The following TOGARAM2 variants were observed in gnomAD, a reference collection of about 807,000 sequenced individuals.
TOGARAM2 encodes TOG array regulator of axonemal microtubules 2.
Under a neutral mutation model 93.3 loss-of-function variants are expected in TOGARAM2, and 85 were observed. The observed-to-expected ratio is 0.91, with a 90% confidence interval of 0.76 to 1.09. The LOEUF is 1.09. Among genes scored for constraint, TOGARAM2 ranks in the 50% least tolerant of loss-of-function variants. The probability of loss-of-function intolerance (pLI) is 0.00; values close to 1 mark genes in which losing one functional copy is unlikely to be tolerated. For synonymous variants in TOGARAM2, 593 were observed against 552.8 expected (o/e 1.07, Z -1.02); for missense variants, 1,277 against 1,334.5 (o/e 0.96, Z 0.67).
chr2:28,966,973 T>C (rs540847822), intron 1 of TOGARAM2, among the ~76,000 whole-genome samples: 13 of 152,336 alleles, frequency 8.5e-5, no homozygotes, highest in African/African-American at 2.9e-4. Flanking sequence ...GCCATATAGG[T>C]TTTATTTTTT....
intron 1 of TOGARAM2, among the ~76,000 whole-genome samples, chr2:28,983,200 T>TATATATATATA (rs1558400424): frequency 9.4e-4 from 20 of 21,254 alleles, no homozygotes; most frequent in African/African-American, 2.9e-3. Context: ...ATATATATAT[T>TATATATATATA]TTTTTTTTTT....
intron 1 of TOGARAM2, among the ~76,000 whole-genome samples, chr2:28,993,777 TCTGGGGC>T (rs2148266527): frequency 6.6e-6 from 1 of 152,280 alleles, no homozygotes; most frequent in African/African-American, 2.4e-5. Flanking sequence ...TACTCTGCCT[TCTGGGGC>T]CTGGGTGGGG....
intron 1 of TOGARAM2, chr2:28,970,923 G>A (rs1387635182): frequency 2.0e-5 from 3 of 152,236 alleles, no homozygotes; most frequent in Non-Finnish European, 4.4e-5. Context: ...AGTGCCCAGA[G>A]ACCTCTGGGC....
intron 14 of TOGARAM2, among the ~76,000 whole-genome samples, chr2:29,029,692 C>G (rs2148364003): frequency 6.8e-6 from 1 of 146,350 alleles, no homozygotes; most frequent in East Asian, 2.0e-4. Flanking sequence ...GGAGGCGGAG[C>G]TTGCAGTGAA....
chr2:29,006,762 C>T (rs1057251939), intron 6 of TOGARAM2, among the ~76,000 whole-genome samples: 1 of 152,122 alleles, frequency 6.6e-6, no homozygotes, highest in African/African-American at 2.4e-5. Flanking sequence ...TTTTCACCGT[C>T]AGCCTCCTCA....
At chr2:28,977,921 T>C (rs1672061078), upstream of TOGARAM2, among the ~76,000 whole-genome samples, 1 of 151,968 alleles carries the variant, frequency 6.6e-6, no homozygotes, top group Admixed American at 6.6e-5. Flanking sequence ...GTTGTTTTTG[T>C]TTTGAGATGG....
intron 1 of TOGARAM2, among the ~76,000 whole-genome samples, chr2:28,982,676 T>C (rs1672257191): frequency 6.6e-6 from 1 of 152,124 alleles, no homozygotes; most frequent in Admixed American, 6.5e-5. Context: ...GGGCAGCGCA[T>C]CCTCCCATTG....
chr2:28,967,642 GA>G (rs1671885598), intron 1 of TOGARAM2, among the ~76,000 whole-genome samples: 1 of 152,042 alleles, frequency 6.6e-6, no homozygotes, highest in African/African-American at 2.4e-5. Flanking sequence ...ATTAAGTATT[GA>G]AAAAGCACTG....
At position 29,035,625 on chromosome 2, in the gene TOGARAM2, A is replaced by C. The variant is rs1666055798; in HGVS notation, c.2387A>C (p.Lys796Thr). Residue 796 changes from lysine to threonine, a missense_variant, in exon 17 of 20, where the codon AAG becomes ACG. By Grantham distance (78) the Lys-to-Thr change is moderately conservative (BLOSUM62 -1). Coordinates refer to ENST00000379558, the MANE Select transcript of TOGARAM2 (RefSeq NM_199280.4). ...CAGCTCCTGGAGCTCTGCAAGGCCA[A>C]GACGGAGCTTGTCACTGCCCACCTG... ...VGQLLELCKA[K>T]TELVTAHLVQ... 2 of 1,539,048 alleles carry C rather than the reference A, an allele frequency of 1.3e-6. No homozygotes were observed. The highest frequency in any genetic ancestry group is 1.8e-6 in the Non-Finnish European group (2 of 1,142,434).
At chr2:29,006,798 C>T (rs574250565) in intron 6 of TOGARAM2, among the ~76,000 whole-genome samples, 22 of 152,222 alleles carry the variant, frequency 1.4e-4, no homozygotes, top group South Asian at 6.2e-4. Flanking sequence ...CACTGACCTC[C>T]GCCTCCTCAC....
intron 3 of TOGARAM2, among the ~76,000 whole-genome samples, chr2:28,998,769 G>C (rs1673126413): frequency 6.6e-6 from 1 of 152,130 alleles, no homozygotes; most frequent in Non-Finnish European, 1.5e-5. Context: ...GCTGGGGGTG[G>C]GGGTGATTTG....
At chr2:28,997,089 AACAAAAGCAAAAATAG>A (rs1246900252) in intron 2 of TOGARAM2, among the ~76,000 whole-genome samples, 1 of 152,244 alleles carries the variant, frequency 6.6e-6, no homozygotes, top group East Asian at 1.9e-4. Context: ...AAGCACAGGC[AACAAAAGCAAAAATAG>A]ACAAATGGGA....
intron 10 of TOGARAM2, among the ~76,000 whole-genome samples, chr2:29,019,384 G>T (rs1182075263): frequency 6.6e-6 from 1 of 151,974 alleles, no homozygotes; most frequent in African/African-American, 2.4e-5. Context: ...TGGCCAGGCT[G>T]GTCTCGAACT....
chr2:28,963,025 C>T (rs750523546), intron 1 of TOGARAM2, among the ~76,000 whole-genome samples: 1 of 151,384 alleles, frequency 6.6e-6, no homozygotes, highest in Non-Finnish European at 1.5e-5. Flanking sequence ...TTGGGGTCTC[C>T]CTATGTTGCC....
chr2:29,034,715 G>A (rs1558459695), intron 16 of TOGARAM2, among the ~76,000 whole-genome samples: 1 of 152,206 alleles, frequency 6.6e-6, no homozygotes, highest in Non-Finnish European at 1.5e-5. Context: ...TGATCCCAGT[G>A]TAAGAAAATG....
intron 3 of TOGARAM2, 99 bp from the exon 4 acceptor site, chr2:28,999,082 G>A (rs534882834): frequency 1.1e-5 from 14 of 1,252,148 alleles, no homozygotes; most frequent in Admixed American, 7.9e-5. Flanking sequence ...CCAGGCAAGT[G>A]GCTGCCTGTT....
At chr2:29,029,941 A>G (rs1238589686) in intron 14 of TOGARAM2, among the ~76,000 whole-genome samples, 1 of 152,058 alleles carries the variant, frequency 6.6e-6, no homozygotes, top group Admixed American at 6.6e-5. Flanking sequence ...TTCCCCAATG[A>G]CCTATGGAAA....
At chr2:29,043,026 G>C (rs77418344) in intron 18 of TOGARAM2, among the ~76,000 whole-genome samples, 1 of 152,312 alleles carries the variant, frequency 6.6e-6, no homozygotes, top group East Asian at 1.9e-4. Context: ...GAGCATTGTG[G>C]GAGGTGACGG....
upstream of TOGARAM2, chr2:28,956,595 C>G (rs2148208778): frequency 6.6e-6 from 1 of 152,246 alleles, no homozygotes; most frequent in African/African-American, 2.4e-5. The surrounding 1 kb of genome is among the most constrained non-coding windows in gnomAD (Gnocchi z 4.5). Flanking sequence ...TGCTGCCATT[C>G]CCTGATCGAT....
Sources: gnomAD v4.1 joint callset for allele counts (sites outside exome capture counted in the v4.1 genomes callset) on GRCh38, gnomAD v4.1.1 for gene constraint, Gnocchi (gnomAD v3.1) non-coding constraint, MANE v1.5 for transcripts, NCBI Gene and HGNC (gene_info 2026-07-23, HGNC 2026-07-21) for gene names.